The following C10orf90 variants were observed in gnomAD, a reference collection of about 807,000 sequenced individuals.
C10orf90 encodes the protein (E2-independent) E3 ubiquitin-conjugating enzyme FATS.
In C10orf90, 56 loss-of-function variants were observed where a neutral mutation model predicts 62.5. The ratio of observed to expected loss-of-function variants is 0.90; its 90% CI spans 0.72 to 1.12. The LOEUF is 1.12. C10orf90 is among the 50% of genes most tolerant of loss of function. The pLI, the probability that C10orf90 is intolerant of heterozygous loss-of-function variation, is 0.00. For missense variants in C10orf90, 970 were observed against 880.4 expected, an observed-to-expected ratio of 1.10 and a Z score of -1.29; for synonymous variants, 386 against 340.4, an observed-to-expected ratio of 1.13 and a Z score of -1.47.
At chr10:126,537,950 G>A (rs1864277445) in intron 2 of C10orf90, among the ~76,000 whole-genome samples, 1 of 152,134 alleles carries the variant, frequency 6.6e-6, no homozygotes. Context: ...ACAGAAAAGG[G>A]AACATTTAGA....
chr10:126,494,728 T>C (rs528848993), intron 4 of C10orf90, among the ~76,000 whole-genome samples: 1 of 152,210 alleles, frequency 6.6e-6, no homozygotes, highest in Non-Finnish European at 1.5e-5. Context: ...ACAACAGCCA[T>C]ATAATGGACC....
At chr10:126,651,935 A>G (rs1846299343) in intron 1 of C10orf90, among the ~76,000 whole-genome samples, 1 of 152,224 alleles carries the variant, frequency 6.6e-6, no homozygotes, top group African/African-American at 2.4e-5. Flanking sequence ...CAGAAGGCAG[A>G]CAGCACATGC....
At chr10:126,664,495 A>G (rs2133876117) in intron 1 of C10orf90, among the ~76,000 whole-genome samples, 1 of 152,296 alleles carries the variant, frequency 6.6e-6, no homozygotes, top group East Asian at 1.9e-4. Flanking sequence ...ACTAGGCTCA[A>G]AGAGAAGAAA....
chr10:126,458,920 A>C lies in C10orf90; in HGVS notation c.2188+120T>G, dbSNP rs1227600115. ...CTGAGGGTCAGCCACTTGGAGCCAT[A>C]ACAGGTTCTGCGTATGTCAGTGGCA... On this transcript the variant is annotated intron_variant, in intron 7 of 9. Transcript: ENST00000488181. 8 of 1,110,808 alleles carry C rather than the reference A, an allele frequency of 7.2e-6. No individual in the cohort carries two copies. In the East Asian group the frequency reaches 1.8e-4, roughly 25 times the overall value. The allele number at this position is 1,110,808 out of a possible 1,614,324, so 68.8% of individuals were successfully genotyped here. A position where few individuals can be genotyped will look rare whatever the true frequency, so the allele number is the denominator to read the frequency against.
intron 7 of C10orf90, among the ~76,000 whole-genome samples, chr10:126,455,380 G>A (rs1859481014): frequency 6.6e-6 from 1 of 152,146 alleles, no homozygotes; most frequent in Non-Finnish European, 1.5e-5. Flanking sequence ...CCCAGGGTGG[G>A]AGCAAGGCTA....
At chr10:126,479,678 C>T (rs534384659) in intron 4 of C10orf90, among the ~76,000 whole-genome samples, 48 of 152,188 alleles carry the variant, frequency 3.2e-4, no homozygotes, top group Non-Finnish European at 5.9e-4. Flanking sequence ...TCCATGAAGA[C>T]GCCTTTCTCC....
chr10:126,489,964 G>GTA (rs1212961139), intron 4 of C10orf90, among the ~76,000 whole-genome samples: 3 of 122,512 alleles, frequency 2.4e-5, no homozygotes, highest in East Asian at 4.5e-4. Context: ...CTGTGTGTGT[G>GTA]TATATATACA....
At chr10:126,444,671 T>C (rs1035758868) in intron 7 of C10orf90, among the ~76,000 whole-genome samples, 1 of 151,930 alleles carries the variant, frequency 6.6e-6, no homozygotes, top group African/African-American at 2.4e-5. Context: ...GAAAAAACAA[T>C]TCTAAAATCC....
At chr10:126,586,688 G>A (rs752437558) in intron 2 of C10orf90, among the ~76,000 whole-genome samples, 1 of 152,162 alleles carries the variant, frequency 6.6e-6, no homozygotes, top group African/African-American at 2.4e-5. Flanking sequence ...CTTGGAGGAC[G>A]AGGGGCTCTG....
chr10:126,475,013 G>A (rs1249641205), intron 4 of C10orf90, among the ~76,000 whole-genome samples: 1 of 152,184 alleles, frequency 6.6e-6, no homozygotes, highest in Non-Finnish European at 1.5e-5. Flanking sequence ...TTTGCATTTG[G>A]GCAGACCAGG....
intron 2 of C10orf90, among the ~76,000 whole-genome samples, chr10:126,613,854 C>A: frequency 6.6e-6 from 1 of 152,186 alleles, no homozygotes; most frequent in East Asian, 1.9e-4. Context: ...CACATCTGAA[C>A]AGAAACTGCG....
chr10:126,485,744 T>A (rs1437815820), intron 4 of C10orf90, among the ~76,000 whole-genome samples: 1 of 151,178 alleles, frequency 6.6e-6, no homozygotes, highest in African/African-American at 2.4e-5. Flanking sequence ...ATCGAGGCCA[T>A]CCTGTCTAAC....
intron 2 of C10orf90, among the ~76,000 whole-genome samples, chr10:126,553,731 A>G (rs150314488): frequency 2.6e-5 from 4 of 152,322 alleles, no homozygotes; most frequent in African/African-American, 4.8e-5. Context: ...GTTTCTGTAC[A>G]TATACTCTAT....
intron 4 of C10orf90, among the ~76,000 whole-genome samples, chr10:126,491,181 G>C (rs2133838668): frequency 6.6e-6 from 1 of 152,302 alleles, no homozygotes; most frequent in African/African-American, 2.4e-5. Flanking sequence ...TTCATGCAAT[G>C]ACATGGAAGA....
At chr10:126,628,082 T>C (rs1035180971) in intron 2 of C10orf90, among the ~76,000 whole-genome samples, 16 of 152,170 alleles carry the variant, frequency 1.1e-4, no homozygotes, top group African/African-American at 3.9e-4. Context: ...TGAAATTAGT[T>C]CCCTCCATGT....
At chr10:126,584,535 G>A (rs1056370471) in intron 2 of C10orf90, among the ~76,000 whole-genome samples, 1 of 152,168 alleles carries the variant, frequency 6.6e-6, no homozygotes, top group African/African-American at 2.4e-5. Flanking sequence ...AGCATGAACA[G>A]AGCACATGCA....
chr10:126,588,228 G>A (rs981206432), intron 2 of C10orf90, among the ~76,000 whole-genome samples: 4 of 152,242 alleles, frequency 2.6e-5, no homozygotes, highest in Admixed American at 2.6e-4. Flanking sequence ...AGGGGGAAGG[G>A]TGACGGCAGT....
chr10:126,477,848 A>G (rs911035190), intron 4 of C10orf90, among the ~76,000 whole-genome samples: 22 of 152,180 alleles, frequency 1.4e-4, no homozygotes, highest in African/African-American at 4.3e-4. Context: ...TATCTGTAAA[A>G]TCCTGTGCTG....
intron 2 of C10orf90, among the ~76,000 whole-genome samples, chr10:126,633,033 G>A (rs1229318256): frequency 2.6e-5 from 4 of 152,278 alleles, no homozygotes; most frequent in East Asian, 3.9e-4. Flanking sequence ...TCCCATGGCC[G>A]TTCATACCCA....
Sources: gnomAD v4.1 joint callset for allele counts (sites outside exome capture counted in the v4.1 genomes callset) on GRCh38, gnomAD v4.1.1 for gene constraint, MANE v1.5 for transcripts, NCBI Gene and HGNC (gene_info 2026-07-23, HGNC 2026-07-21) for gene names.